Variants in UNC5D observed in about 807,000 individuals in gnomAD.
The protein encoded by UNC5D is netrin receptor UNC5D.
UNC5D carries 39 observed loss-of-function variants against 105.4 expected under a neutral mutation model. The observed-to-expected ratio is 0.37, with a 90% CI of 0.29 to 0.48. UNC5D has a LOEUF of 0.48. Ranked by LOEUF, UNC5D falls within the 20% of genes least tolerant of loss-of-function variation. The probability of loss-of-function intolerance (pLI) is 0.98; values close to 1 mark genes in which losing one functional copy is unlikely to be tolerated. For synonymous variants in UNC5D, 452 were observed against 450.4 expected (o/e 1.00, Z -0.04); for missense variants, 991 against 1,202.4 (o/e 0.82, Z 2.60).
At chr8:35,466,402 T>C (rs566388913) in intron 1 of UNC5D, among the ~76,000 whole-genome samples, 1 of 152,310 alleles carries the variant, frequency 6.6e-6, no homozygotes, top group Admixed American at 6.5e-5. Context: ...ACCTTGGATT[T>C]GAGTGTCCAG....
intron 1 of UNC5D, among the ~76,000 whole-genome samples, chr8:35,372,925 C>T (rs1802504190): frequency 6.6e-6 from 1 of 152,142 alleles, no homozygotes; most frequent in Non-Finnish European, 1.5e-5. Context: ...ACACTCAATC[C>T]ATTCATATTT....
At chr8:35,432,195 T>C (rs1806691417) in intron 1 of UNC5D, among the ~76,000 whole-genome samples, 1 of 152,156 alleles carries the variant, frequency 6.6e-6, no homozygotes, top group South Asian at 2.1e-4. Flanking sequence ...TACATCGTAA[T>C]ATTATCGTGA....
intron 1 of UNC5D, among the ~76,000 whole-genome samples, chr8:35,287,056 A>G (rs1806651024): frequency 6.6e-6 from 1 of 152,178 alleles, no homozygotes; most frequent in Non-Finnish European, 1.5e-5. Context: ...GCTCAGCCCA[A>G]TTATAGAACC....
chr8:35,407,478 A>G (rs1804880043), intron 1 of UNC5D, among the ~76,000 whole-genome samples: 2 of 152,216 alleles, frequency 1.3e-5, no homozygotes, highest in South Asian at 4.1e-4. Flanking sequence ...GAGTCCCGGA[A>G]GTTGCACTAC....
Position 35,522,469 on chromosome 8 carries a change from AT to A in UNC5D, c.104-26821del, listed in dbSNP as rs533516893. ...TACAATGAGCTTGTGATTTCAATCA[AT>A]TGCTGAAATGCCTTGGGATATTTTT... On this transcript the variant is annotated intron_variant, in intron 1 of 16. Coordinates refer to ENST00000404895, the MANE Select transcript of UNC5D (RefSeq NM_080872.4). Among the ~76,000 whole-genome samples, 321 of 152,350 alleles carry A rather than the reference AT, an allele frequency of 2.1e-3. 1 individual carries two copies. The highest frequency in any genetic ancestry group is 3.2e-3 in the Admixed American group (49 of 15,306).
intron 8 of UNC5D, among the ~76,000 whole-genome samples, chr8:35,717,160 T>C (rs1321948428): frequency 1.2e-4 from 18 of 152,242 alleles, no homozygotes. Context: ...ATGGGAGCAA[T>C]GGCATTCTGC....
Position 35,793,570 on chromosome 8 carries a change from C to G in UNC5D, c.*3007C>G, listed in dbSNP as rs542575925. ...AAGGCATTTAAGTCCAATAGTCATG[C>G]TTTAAATATGGCTTTAAATTATGCC... On this transcript the variant is annotated 3_prime_UTR_variant, in exon 17 of 17. Transcript: ENST00000404895. 1.3e-5 allele frequency: 2 copies of G among 154,412 alleles called. No homozygotes were observed. The highest frequency in any genetic ancestry group is 4.8e-5 in the African/African-American group (2 of 41,456). 9.6% of individuals were successfully genotyped at this position (154,412 alleles called of 1,614,324 possible). A position where few individuals can be genotyped will look rare whatever the true frequency, so the allele number is the denominator to read the frequency against.
chr8:35,555,875 G>GCACACACACACA (rs56788274), intron 2 of UNC5D, among the ~76,000 whole-genome samples: 1 of 134,172 alleles, frequency 7.5e-6, no homozygotes, highest in African/African-American at 2.8e-5. Context: ...TAAAAAAACA[G>GCACACACACACA]CACACACACA....
At chr8:35,420,668 C>G (rs1389712247) in intron 1 of UNC5D, among the ~76,000 whole-genome samples, 1 of 152,056 alleles carries the variant, frequency 6.6e-6, no homozygotes, top group Non-Finnish European at 1.5e-5. Flanking sequence ...CCTTAATAAC[C>G]TATAGTTTAA....
intron 1 of UNC5D, among the ~76,000 whole-genome samples, chr8:35,410,030 G>A (rs1805062855): frequency 7.0e-6 from 1 of 142,356 alleles, no homozygotes; most frequent in Non-Finnish European, 1.5e-5. Flanking sequence ...TCAAAATTGG[G>A]GAGAATTGAC....
intron 8 of UNC5D, among the ~76,000 whole-genome samples, chr8:35,711,144 A>G (rs539498882): frequency 6.7e-6 from 1 of 149,684 alleles, no homozygotes; most frequent in African/African-American, 2.5e-5. Flanking sequence ...CTTAACATGT[A>G]TATGATCTGG....
intron 14 of UNC5D, among the ~76,000 whole-genome samples, chr8:35,762,458 G>C (rs1282017014): frequency 2.0e-5 from 3 of 152,168 alleles, no homozygotes; most frequent in Non-Finnish European, 4.4e-5. Flanking sequence ...TATGGTAGCA[G>C]CCACTGACCT....
chr8:35,644,192 G>C (rs1416766484), intron 4 of UNC5D, among the ~76,000 whole-genome samples: 1 of 152,128 alleles, frequency 6.6e-6, no homozygotes, highest in Admixed American at 6.6e-5. Context: ...GGCTTATATA[G>C]AGTTAGGGTT....
intron 1 of UNC5D, among the ~76,000 whole-genome samples, chr8:35,413,651 G>A (rs1805343952): frequency 6.6e-6 from 1 of 151,866 alleles, no homozygotes; most frequent in African/African-American, 2.4e-5. Context: ...TCTACCCAGG[G>A]AACTTGTCAT....
chr8:35,339,476 T>G (rs1336004979), intron 1 of UNC5D, among the ~76,000 whole-genome samples: 4 of 152,206 alleles, frequency 2.6e-5, no homozygotes, highest in African/African-American at 9.6e-5. Flanking sequence ...GAAAAAGATG[T>G]ATGATTTAGG....
At chr8:35,392,217 A>G (rs1431175724) in intron 1 of UNC5D, among the ~76,000 whole-genome samples, 1 of 151,904 alleles carries the variant, frequency 6.6e-6, no homozygotes, top group Non-Finnish European at 1.5e-5. Context: ...CTCTCCCTCC[A>G]CTTTTCGTTT....
intron 1 of UNC5D, among the ~76,000 whole-genome samples, chr8:35,307,009 T>G (rs146346966): frequency 7.9e-5 from 12 of 152,292 alleles, no homozygotes; most frequent in Non-Finnish European, 1.5e-4. Context: ...ACAATGATGG[T>G]CTATCCCACA....
rs60008878 is a variant in UNC5D, at chr8:35,677,701, CTA to C, written c.571-5844_571-5843del. 3.7e-3 allele frequency among the ~76,000 whole-genome samples: 560 copies of C among 152,022 alleles called. 3 individuals are homozygous for C. The highest frequency in any genetic ancestry group is 0.013 in the African/African-American group (539 of 41,472). On this transcript the variant is annotated intron_variant, in intron 4 of 16. Coordinates refer to ENST00000404895, the MANE Select transcript of UNC5D (RefSeq NM_080872.4). ...CAGTTCCACAGTTAAGTGTCTACTACTATGTTGATTGTTTATAGACATAATTG... is the reference window on the plus strand; with the variant it reads ...CAGTTCCACAGTTAAGTGTCTACTACTGTTGATTGTTTATAGACATAATTG...
In UNC5D at chr8:35,446,308, C is replaced by A. The variant is rs376186593; in HGVS notation, c.104-102984C>A. ...TTGTTGAGATTTTGTTTAATTGCAA[C>A]GTAACTCATATACCATATTACATTG... On this transcript the variant is annotated intron_variant, in intron 1 of 16. Transcript: ENST00000404895. 3.3e-5 allele frequency among the ~76,000 whole-genome samples: 5 copies of A among 151,896 alleles called. 1 individual carries two copies. Among genetic ancestry groups the A allele is most frequent in the Non-Finnish European group, 7.4e-5 (5 of 67,946 alleles).
Sources: allele counts gnomAD v4.1 joint callset (sites outside exome capture counted in the v4.1 genomes callset), GRCh38; gene constraint gnomAD v4.1.1; transcripts MANE v1.5; gene names NCBI Gene and HGNC (gene_info 2026-07-23, HGNC 2026-07-21).